DTHD1: variants seen among roughly 807,000 people sequenced by gnomAD.
DTHD1 encodes death domain containing 1, also known as death domain-containing protein 1.
A neutral mutation model predicts 74.8 loss-of-function variants in DTHD1; 59 were observed. The observed-to-expected ratio is 0.79, with a 90% CI of 0.64 to 0.98. The LOEUF is 0.98. Ranked by LOEUF, DTHD1 falls within the 50% of genes least tolerant of loss-of-function variation. The pLI, the probability that DTHD1 is intolerant of heterozygous loss-of-function variation, is 0.00. For missense variants in DTHD1, 1,051 were observed against 1,065.4 expected (o/e 0.99, Z 0.19); for synonymous variants, 365 against 371.1 (o/e 0.98, Z 0.19).
intron 3 of DTHD1, among the ~76,000 whole-genome samples, chr4:36,290,916 C>G (rs956634087): frequency 6.6e-6 from 1 of 152,128 alleles, no homozygotes; most frequent in African/African-American, 2.4e-5. Context: ...GAGCTTGGGT[C>G]GAACACCTAC....
chr4:36,300,744 C>T (rs1429860544), intron 5 of DTHD1, among the ~76,000 whole-genome samples: 1 of 152,066 alleles, frequency 6.6e-6, no homozygotes, highest in Non-Finnish European at 1.5e-5. Flanking sequence ...TGAAATCACA[C>T]ATACTACATT....
rs1021809767 is a variant in DTHD1, at chr4:36,345,848, C to T, written c.*2024C>T. ...TGGAAGAAAATATTTCTATTTCTAT[C>T]GGTATAGATGTATCTAAGGACACTC... is the stretch of plus-strand genomic sequence containing the variant. On this transcript the variant is annotated 3_prime_UTR_variant, in exon 10 of 10. Transcript: ENST00000639862. The T allele has an allele frequency of 6.6e-6, 1 of 152,198 alleles. No homozygotes were observed. The highest frequency in any genetic ancestry group is 6.6e-5 in the Admixed American group (1 of 15,256). The allele number at this position is 152,198 out of a possible 1,614,324, so 9.4% of individuals were successfully genotyped here.
intron 8 of DTHD1, among the ~76,000 whole-genome samples, chr4:36,322,144 C>T (rs934046462): frequency 4.0e-5 from 6 of 151,430 alleles, no homozygotes; most frequent in East Asian, 1.9e-4. Flanking sequence ...GTCATTTCTC[C>T]GTTTTTACAT....
chr4:36,321,202 C>T (rs1055828547), intron 8 of DTHD1, among the ~76,000 whole-genome samples: 7 of 152,140 alleles, frequency 4.6e-5, no homozygotes, highest in African/African-American at 1.2e-4. Context: ...AGCATGTTTT[C>T]AACTCATAGG....
At chr4:36,296,053 G>A (rs1219270338) in intron 5 of DTHD1, among the ~76,000 whole-genome samples, 1 of 151,982 alleles carries the variant, frequency 6.6e-6, no homozygotes, top group Non-Finnish European at 1.5e-5. Context: ...CTGAAATGTA[G>A]GTTTAAATAA....
chr4:36,290,286 A>C, intron 2 of DTHD1, 87 bp from the exon 3 acceptor site: 2 of 1,298,896 alleles, frequency 1.5e-6, no homozygotes, highest in Non-Finnish European at 2.1e-6. Context: ...AAGACAATGT[A>C]GATCTAGAGT....
At chr4:36,307,546 G>A (rs1192767687) in intron 6 of DTHD1, among the ~76,000 whole-genome samples, 20 of 152,198 alleles carry the variant, frequency 1.3e-4, no homozygotes, top group Admixed American at 1.2e-3. Context: ...CTAGGGGATA[G>A]TACTTCAACA....
intron 9 of DTHD1, among the ~76,000 whole-genome samples, chr4:36,342,872 GA>G (rs1166248263): frequency 5.4e-5 from 7 of 130,132 alleles, no homozygotes; most frequent in Non-Finnish European, 1.1e-4. Context: ...TCAGAAGATT[GA>G]AACCATCTTG....
At chr4:36,285,431 T>G (rs1415213497) in intron 2 of DTHD1, among the ~76,000 whole-genome samples, 2 of 152,162 alleles carry the variant, frequency 1.3e-5, no homozygotes, top group African/African-American at 4.8e-5. Context: ...TAAAATTGAA[T>G]GTGTATGTTC....
Position 36,345,556 on chromosome 4 carries a change from A to G in DTHD1, c.*1732A>G, listed in dbSNP as rs919047473. On this transcript the variant is annotated 3_prime_UTR_variant, in exon 10 of 10. Coordinates refer to ENST00000639862, the MANE Select transcript of DTHD1 (RefSeq NM_001170700.3). ...CAGGGATTTAGATATCTATTCAGGT[A>G]TATATCAAAAAAGGCGATTCCCATT... 3 of 152,216 alleles carry G rather than the reference A, an allele frequency of 2.0e-5. No individual in the cohort carries two copies. The East Asian group carries it at 5.8e-4, about 29-fold the overall frequency. The allele number at this position is 152,216 out of a possible 1,614,324, so 9.4% of individuals were successfully genotyped here.
intron 8 of DTHD1, among the ~76,000 whole-genome samples, chr4:36,324,139 C>CA (rs545314509): frequency 4.4e-4 from 67 of 151,662 alleles, no homozygotes; most frequent in Middle Eastern, 3.4e-3. Context: ...CCTTCTCCTC[C>CA]CCCCCATTCC....
intron 2 of DTHD1, among the ~76,000 whole-genome samples, chr4:36,289,302 ATTAT>A (rs1755912285): frequency 6.6e-6 from 1 of 152,208 alleles, no homozygotes; most frequent in South Asian, 2.1e-4. Flanking sequence ...AGGCCAACAC[ATTAT>A]TGTAAGTTTA....
intron 1 of DTHD1, among the ~76,000 whole-genome samples, chr4:36,283,359 G>A (rs972741949): frequency 6.6e-6 from 1 of 152,112 alleles, no homozygotes; most frequent in Admixed American, 6.5e-5. Flanking sequence ...TCAGAGAATT[G>A]GTATGGTCAG....
chr4:36,310,399 A>G (rs1297616666), intron 7 of DTHD1, among the ~76,000 whole-genome samples: 1 of 152,184 alleles, frequency 6.6e-6, no homozygotes. Flanking sequence ...CCATCACAAC[A>G]ATTTCTTTTT....
In DTHD1 at chr4:36,284,603, CA is replaced by C; in HGVS notation, c.887+14del. 2.7e-6 allele frequency: 4 copies of C among 1,489,792 alleles called. No individual in the cohort carries two copies. The highest frequency in any genetic ancestry group is 3.6e-6 in the Non-Finnish European group (4 of 1,123,666). 92.3% of individuals were successfully genotyped at this position (1,489,792 alleles called of 1,614,324 possible). A position where few individuals can be genotyped will look rare whatever the true frequency, so the allele number is the denominator to read the frequency against. On this transcript the variant is annotated intron_variant, in intron 2 of 9. Transcript: ENST00000639862. ...ATAATGGAAAAGGAGTAAGTAAATG[CA>C]ATGTGGGAAGTGCTTAAGTATGCCT...
chr4:36,323,650 T>G (rs1035731015), intron 8 of DTHD1, among the ~76,000 whole-genome samples: 5 of 151,822 alleles, frequency 3.3e-5, no homozygotes, highest in Non-Finnish European at 7.4e-5. Context: ...TGTTTTGTTT[T>G]GCTTTGTTCT....
chr4:36,293,837 C>A, intron 4 of DTHD1, 132 bp downstream of exon 4: 1 of 682,616 alleles, frequency 1.5e-6, no homozygotes, highest in Non-Finnish European at 2.2e-6. Context: ...GTTGTAACGG[C>A]CTAATATATA....
At chr4:36,329,237 C>A (rs968148132) in intron 8 of DTHD1, among the ~76,000 whole-genome samples, 5 of 152,146 alleles carry the variant, frequency 3.3e-5, no homozygotes, top group African/African-American at 1.2e-4. Flanking sequence ...GTACCCTTTG[C>A]CGAAACTAAG....
intron 1 of DTHD1, among the ~76,000 whole-genome samples, chr4:36,283,063 T>G (rs1379222908): frequency 6.6e-6 from 1 of 151,918 alleles, no homozygotes; most frequent in Non-Finnish European, 1.5e-5. Context: ...CCCTGACTGG[T>G]GAAGGGATGA....
Sources: gnomAD v4.1 joint callset for allele counts (sites outside exome capture counted in the v4.1 genomes callset) on GRCh38, gnomAD v4.1.1 for gene constraint, MANE v1.5 for transcripts, NCBI Gene and HGNC (gene_info 2026-07-23, HGNC 2026-07-21) for gene names.